The following DMD variants were observed in gnomAD, a reference collection of about 807,000 sequenced individuals.
The protein encoded by DMD is mutant dystrophin.
DMD carries 63 observed loss-of-function variants against 330.1 expected under a neutral mutation model. That is an observed-to-expected ratio of 0.19 (90% CI 0.16 to 0.24). The LOEUF (loss-of-function observed/expected upper bound fraction) is 0.24, where lower values mean the gene tolerates loss of function less well. Among genes scored for constraint, DMD ranks in the 10% least tolerant of loss-of-function variants. DMD has a pLI of 1.00. For missense variants in DMD, 3,344 were observed against 2,684.1 expected, an observed-to-expected ratio of 1.25 and a Z score of -5.43; for synonymous variants, 1,223 against 959.8, an observed-to-expected ratio of 1.27 and a Z score of -5.07.
At chrX:31,419,182 G>A (rs2063230364) in intron 60 of DMD, among the ~76,000 whole-genome samples, 1 of 105,513 alleles carries the variant, frequency 9.5e-6, no homozygotes, top group Non-Finnish European at 1.9e-5. Flanking sequence ...GGCCTCAAGT[G>A]ATCCACCTGC....
In DMD at chrX:32,365,100, C is replaced by T. The variant is rs1300066468; in HGVS notation, c.4945G>A (p.Val1649Met). 8.3e-7 allele frequency: 1 copy of T among 1,210,881 alleles called. No individual in the cohort carries two copies. The highest frequency in any genetic ancestry group is 3.0e-5 in the East Asian group (1 of 33,774). Residue 1649 changes from valine (V) to methionine (M), a missense_variant, in exon 35 of 79, where the codon GTG becomes ATG. Transcript: ENST00000357033. Reference sequence around the variant, plus strand: ...TTCAGAAGACTGAGTTTATCTTCCACCAACGTCTCCTTCTTGCCCAAAACT... The same window carrying T: ...TTCAGAAGACTGAGTTTATCTTCCATCAACGTCTCCTTCTTGCCCAAAACT... ...KTVLGKKETL[V>M]EDKLSLLNSN...
intron 12 of DMD, among the ~76,000 whole-genome samples, chrX:32,601,521 A>G (rs1368106150): frequency 8.9e-6 from 1 of 111,946 alleles, no homozygotes; most frequent in East Asian, 2.8e-4. Flanking sequence ...AGGGGACTCA[A>G]TAAATACGAA....
chrX:33,259,600 C>T (rs1195464935), intron 1 of DMD, among the ~76,000 whole-genome samples: 2 of 58,226 alleles, frequency 3.4e-5, no homozygotes, highest in Non-Finnish European at 6.2e-5. Context: ...CAAAATCGCC[C>T]CCCCCCCCCA....
chrX:31,553,455 C>CTTTT (rs2074614516), intron 55 of DMD, among the ~76,000 whole-genome samples: 1 of 111,911 alleles, frequency 8.9e-6, no homozygotes, highest in African/African-American at 3.2e-5. Flanking sequence ...CCATTAAAAG[C>CTTTT]AATGGCAAAG....
chrX:32,235,142 C>T (rs2097182922), intron 43 of DMD, among the ~76,000 whole-genome samples: 1 of 111,408 alleles, frequency 9.0e-6, no homozygotes, highest in Non-Finnish European at 1.9e-5. Context: ...AATTATACAA[C>T]TCACCATAAT....
At chrX:32,068,022 T>C (rs1388047845) in intron 44 of DMD, among the ~76,000 whole-genome samples, 3 of 111,914 alleles carry the variant, frequency 2.7e-5, no homozygotes, top group African/African-American at 9.7e-5. Flanking sequence ...GCATTGGGTG[T>C]CTTTTGACTT....
At chrX:31,635,494 T>G (rs2079361775) in intron 54 of DMD, among the ~76,000 whole-genome samples, 1 of 111,825 alleles carries the variant, frequency 8.9e-6, no homozygotes, top group African/African-American at 3.2e-5. Flanking sequence ...TTGTTAGTTG[T>G]TGATACATAA....
rs138545692 is a variant in DMD, at chrX:32,409,516, C to G, written c.4233+2236G>C. 2.5e-4 allele frequency among the ~76,000 whole-genome samples: 28 copies of G among 111,517 alleles called. 1 individual carries two copies. The East Asian group carries it at 7.9e-3, about 31-fold the overall frequency. ...CCATTTCTAAATAAGAAAAAACACACAGTGCCCCTTATCACAACCTGTTCA... is the reference window on the plus strand; with the variant it reads ...CCATTTCTAAATAAGAAAAAACACAGAGTGCCCCTTATCACAACCTGTTCA... On this transcript the variant is annotated intron_variant, in intron 30 of 78. Transcript: ENST00000357033.
At chrX:33,031,747 G>A (rs928256509) in intron 1 of DMD, among the ~76,000 whole-genome samples, 3 of 110,489 alleles carry the variant, frequency 2.7e-5, no homozygotes, top group Non-Finnish European at 5.7e-5. Flanking sequence ...CTCCAGCCCC[G>A]ACAGGAGTTC....
rs1256134471 is a variant in DMD at position 31,260,110 on chromosome X, G to A, written c.9286+845C>T. Among the ~76,000 whole-genome samples, 9 of 111,513 alleles carry A rather than the reference G, an allele frequency of 8.1e-5. No homozygotes were observed. The East Asian group carries it at 2.5e-3, about 31-fold the overall frequency. ...TTAAAAATGAGCTGGGTGTGGTGGT[G>A]CATTCCTGTTGTCCCAGCTACTCAG... On this transcript the variant is annotated intron_variant, in intron 63 of 78. Coordinates refer to ENST00000357033, the MANE Select transcript of DMD (RefSeq NM_004006.3).
intron 43 of DMD, among the ~76,000 whole-genome samples, chrX:32,282,377 C>T (rs897847223): frequency 1.8e-5 from 2 of 111,477 alleles, no homozygotes; most frequent in African/African-American, 6.5e-5. Flanking sequence ...GTTACCCACC[C>T]GAAAATCAAT....
rs137905486 is a variant in DMD at position 31,323,657 on chromosome X, C to T, written c.9165G>A (p.Thr3055=). 97 of 1,206,601 alleles carry T rather than the reference C, an allele frequency of 8.0e-5. No individual in the cohort carries two copies. The highest frequency in any genetic ancestry group is 6.2e-4 in the East Asian group (21 of 33,758). ...CTCTCTCCCAGGGACCCTGGACAGA[C>T]GCTGAAAAGAAGGGAGGAAAAAAAG... ...FGPASQHFLS[T]SVQGPWERAI... Residue 3055 remains threonine (T), a splice_region_variant and synonymous_variant, in exon 62 of 79, where the codon ACG becomes ACA. Coordinates refer to ENST00000357033, the MANE Select transcript of DMD (RefSeq NM_004006.3).
At chrX:33,226,003 G>A (rs762307499) in intron 1 of DMD, among the ~76,000 whole-genome samples, 2 of 111,133 alleles carry the variant, frequency 1.8e-5, no homozygotes, top group African/African-American at 6.5e-5. Flanking sequence ...AGGGAAATTC[G>A]AATTAAAACC....
intron 26 of DMD, among the ~76,000 whole-genome samples, chrX:32,454,312 C>A (rs1233527947): frequency 9.0e-6 from 1 of 111,064 alleles, no homozygotes; most frequent in Non-Finnish European, 1.9e-5. Flanking sequence ...ATAAATTTGT[C>A]TTTTCAAGAA....
chrX:32,004,878 A>G (rs749896498), intron 44 of DMD, among the ~76,000 whole-genome samples: 1 of 111,597 alleles, frequency 9.0e-6, no homozygotes, highest in South Asian at 3.7e-4. Context: ...CATTTCCATA[A>G]TATCCTCTAA....
chrX:32,839,754 C>T (rs1004642987), intron 4 of DMD, among the ~76,000 whole-genome samples: 1 of 109,904 alleles, frequency 9.1e-6, no homozygotes, highest in Non-Finnish European at 1.9e-5. Context: ...ACTCTGTGGC[C>T]AGGCTGGAGT....
At chrX:31,866,919 C>T (rs923755162) in intron 48 of DMD, among the ~76,000 whole-genome samples, 1 of 111,062 alleles carries the variant, frequency 9.0e-6, no homozygotes, top group East Asian at 2.8e-4. Context: ...CTGGCTAAAA[C>T]GGAATGGATT....
intron 51 of DMD, among the ~76,000 whole-genome samples, chrX:31,738,936 C>T (rs1369490269): frequency 1.8e-5 from 2 of 111,203 alleles, no homozygotes; most frequent in East Asian, 2.8e-4. Context: ...TGGGAAGGGT[C>T]GTGGGGAGGT....
chrX:31,472,053 G>A (rs2067340530), intron 59 of DMD, among the ~76,000 whole-genome samples: 1 of 112,038 alleles, frequency 8.9e-6, no homozygotes, highest in South Asian at 3.7e-4. Context: ...CTCCATCAAA[G>A]GCTTACTTAA....
Sources: allele counts gnomAD v4.1 joint callset (sites outside exome capture counted in the v4.1 genomes callset), GRCh38; gene constraint gnomAD v4.1.1; transcripts MANE v1.5; gene names NCBI Gene and HGNC (gene_info 2026-07-23, HGNC 2026-07-21).